Variants in CHD3 observed in about 807,000 individuals in gnomAD.
The protein encoded by CHD3 is ATP-dependent chromatin remodeler CHD3.
A neutral mutation model predicts 248.9 loss-of-function variants in CHD3; 52 were observed. That is an observed-to-expected ratio of 0.21 (90% CI 0.17 to 0.26). The LOEUF (loss-of-function observed/expected upper bound fraction) is 0.26. Among genes scored for constraint, CHD3 ranks in the 10% least tolerant of loss-of-function variants. The pLI is 1.00. For synonymous variants in CHD3, 985 were observed against 985.2 expected, an observed-to-expected ratio of 1.00 and a Z score of 0.00; for missense variants, 1,482 against 2,605.8, an observed-to-expected ratio of 0.57 and a Z score of 9.39.
At chr17:7,893,218 TGA>T in intron 4 of CHD3, 66 bp from the exon 5 acceptor site, 2 of 1,492,110 alleles carry the variant, frequency 1.3e-6, no homozygotes, top group East Asian at 4.6e-5. Flanking sequence ...ATTTAATTGA[TGA>T]GGGGAGATGG....
rs765031234 is a variant in CHD3, at chr17:7,903,019, C to G, written c.3453C>G (p.Val1151=). ...LGINLATADT[V]IIFDSDWNPH... is the part of the protein sequence containing the mutation. ...TCAATCTGGCCACTGCTGACACTGTCATCATCTTTGATTCTGACTGGAACC... is the reference window on the plus strand; with the variant it reads ...TCAATCTGGCCACTGCTGACACTGTGATCATCTTTGATTCTGACTGGAACC... Residue 1151 remains valine, a synonymous_variant, in exon 22 of 40, where the codon GTC becomes GTG. Transcript: ENST00000330494. This position sits in a 1 kb window ranked among gnomAD's most constrained non-coding sequence, Gnocchi z 6.8. The G allele has an allele frequency of 1.2e-6, 2 of 1,614,128 alleles. No homozygotes were observed. Among genetic ancestry groups the G allele is most frequent in the Non-Finnish European group, 1.7e-6 (2 of 1,180,020 alleles).
Position 7,904,714 on chromosome 17 carries a change from T to A in CHD3, c.4072+95T>A. The A allele has an allele frequency of 8.5e-7, 1 of 1,181,404 alleles. No individual in the cohort carries two copies. The highest frequency in any genetic ancestry group is 1.2e-6 in the Non-Finnish European group (1 of 842,360). 73.2% of individuals were successfully genotyped at this position (1,181,404 alleles called of 1,614,324 possible). A position where few individuals can be genotyped will look rare whatever the true frequency, so the allele number is the denominator to read the frequency against. On this transcript the variant is annotated intron_variant, in intron 25 of 39. Coordinates refer to ENST00000330494, the MANE Select transcript of CHD3 (RefSeq NM_001005273.3). This position sits in a 1 kb window ranked among gnomAD's most constrained non-coding sequence, Gnocchi z 4.4. ...CTATTTAGAGGGAAAGAGAGAAGCC[T>A]AGAAGTCAGAGCCTTCCTCTGCTAA... is the stretch of plus-strand genomic sequence containing the variant.
rs747387897 is a variant in CHD3, at chr17:7,889,817, A to T, written c.213+41A>T. 3 of 1,547,470 alleles carry T rather than the reference A, an allele frequency of 1.9e-6. No homozygotes were observed. The highest frequency in any genetic ancestry group is 2.3e-5 in the South Asian group (2 of 86,692). ...TCCTAACTCTGTGGCAAGGCTCAAG[A>T]GACCCATTCTCAGAGACCTACATTT... On this transcript the variant is annotated intron_variant, in intron 2 of 39. Transcript: ENST00000330494. This position sits in a 1 kb window ranked among gnomAD's most constrained non-coding sequence, Gnocchi z 4.5.
In CHD3 at chr17:7,904,784, C is replaced by T. The variant is rs1444642745; in HGVS notation, c.4072+165C>T. 2.0e-5 allele frequency among the ~76,000 whole-genome samples: 3 copies of T among 152,040 alleles called. No homozygotes were observed. Among genetic ancestry groups the T allele is most frequent in the Non-Finnish European group, 4.4e-5 (3 of 68,014 alleles). The stretch of plus-strand genomic sequence containing the variant: ...GAGTCATTAGGAACTACCCAGAGGC[C>T]AGGTGGGTTTGCAGGAGATTTAAAC... On this transcript the variant is annotated intron_variant, in intron 25 of 39. Transcript: ENST00000330494. The surrounding 1 kb of genome is among the most constrained non-coding windows in gnomAD (Gnocchi z 4.4).
In CHD3 at chr17:7,895,307, T is replaced by A; in HGVS notation, c.1504-32T>A. The A allele has an allele frequency of 6.2e-7, 1 of 1,610,666 alleles. No individual in the cohort carries two copies. Among genetic ancestry groups the A allele is most frequent in the South Asian group, 1.1e-5 (1 of 90,968 alleles). ...ACAATGGGTTCTTTCTGCCTCTTTCTTTCCTCCTCCTTGTACGTGTCCATC... is the reference window on the plus strand; with the variant it reads ...ACAATGGGTTCTTTCTGCCTCTTTCATTCCTCCTCCTTGTACGTGTCCATC... On this transcript the variant is annotated intron_variant, in intron 9 of 39. Transcript: ENST00000330494. The surrounding 1 kb of genome is among the most constrained non-coding windows in gnomAD (Gnocchi z 4.9).
chr17:7,893,170 C>T lies in CHD3; in HGVS notation c.510-116C>T, dbSNP rs540673801. ...TAAATGGCTGTTTTTCCTAATAGGA[C>T]ATATTCTCACCACCCAGGAATCCTA... On this transcript the variant is annotated intron_variant, in intron 4 of 39. Transcript: ENST00000330494. 9.7e-5 allele frequency: 135 copies of T among 1,398,538 alleles called. No individual in the cohort carries two copies. In the South Asian group the frequency reaches 2.0e-3, roughly 20 times the overall value. 86.6% of individuals were successfully genotyped at this position (1,398,538 alleles called of 1,614,324 possible).
At position 7,903,180 on chromosome 17, in the gene CHD3, C is replaced by T. The variant is rs1314793164; in HGVS notation, c.3496-92C>T. The T allele has an allele frequency of 2.4e-5, 37 of 1,562,144 alleles. No individual in the cohort carries two copies. Among genetic ancestry groups the T allele is most frequent in the African/African-American group, 4.1e-5 (3 of 73,864 alleles). On this transcript the variant is annotated intron_variant, in intron 22 of 39. Coordinates refer to ENST00000330494, the MANE Select transcript of CHD3 (RefSeq NM_001005273.3). The surrounding 1 kb of genome is among the most constrained non-coding windows in gnomAD (Gnocchi z 6.8). ...TCTTCTGGGAGGAGAGAAGGCCCTTCTTCAGCAGCCTTCTTTCCTGAGGCA... is the reference window on the plus strand; with the variant it reads ...TCTTCTGGGAGGAGAGAAGGCCCTTTTTCAGCAGCCTTCTTTCCTGAGGCA...
At position 7,909,633 on chromosome 17, in the gene CHD3, T is replaced by G. The variant is rs1971408842; in HGVS notation, c.5590+295T>G. 1 of 471,798 alleles carries G rather than the reference T, an allele frequency of 2.1e-6. No individual in the cohort carries two copies. Among genetic ancestry groups the G allele is most frequent in the Non-Finnish European group, 3.8e-6 (1 of 265,220 alleles). 29.2% of individuals were successfully genotyped at this position (471,798 alleles called of 1,614,324 possible). A position where few individuals can be genotyped will look rare whatever the true frequency, so the allele number is the denominator to read the frequency against. On this transcript the variant is annotated intron_variant, in intron 37 of 39. Coordinates refer to ENST00000330494, the MANE Select transcript of CHD3 (RefSeq NM_001005273.3). The surrounding 1 kb of genome is among the most constrained non-coding windows in gnomAD (Gnocchi z 8.1). Reference sequence around the variant, plus strand: ...GGGGCCTCTTCACTGGCAGTGGAACTGCATGCCTGCCATACTGCTTAACAT... The same window carrying G: ...GGGGCCTCTTCACTGGCAGTGGAACGGCATGCCTGCCATACTGCTTAACAT...
rs760658478 is a variant in CHD3, at chr17:7,905,808, A to G, written c.4225-48A>G. On this transcript the variant is annotated intron_variant, in intron 27 of 39. Transcript: ENST00000330494. This position sits in a 1 kb window ranked among gnomAD's most constrained non-coding sequence, Gnocchi z 5.8. ...ACTGAAGGTAGAAAGGACAAGACCT[A>G]AGAACCCTAGACATTTGTCGCCATT... The G allele has an allele frequency of 6.2e-7, 1 of 1,614,122 alleles. No individual in the cohort carries two copies. The highest frequency in any genetic ancestry group is 1.3e-5 in the African/African-American group (1 of 75,014).
At position 7,900,082 on chromosome 17, in the gene CHD3, C is replaced by G. The variant is rs762891655; in HGVS notation, c.2682+49C>G. 2 of 1,570,580 alleles carry G rather than the reference C, an allele frequency of 1.3e-6. No individual in the cohort carries two copies. Among genetic ancestry groups the G allele is most frequent in the Admixed American group, 3.7e-5 (2 of 54,092 alleles). On this transcript the variant is annotated intron_variant, in intron 16 of 39. Coordinates refer to ENST00000330494, the MANE Select transcript of CHD3 (RefSeq NM_001005273.3). This position sits in a 1 kb window ranked among gnomAD's most constrained non-coding sequence, Gnocchi z 6.5. Reference sequence around the variant, plus strand: ...AAAACTTGAAGTTGTGGACTTCCCACTTGCCTTGGTCCTAAAAAACAACAA... The same window carrying G: ...AAAACTTGAAGTTGTGGACTTCCCAGTTGCCTTGGTCCTAAAAAACAACAA...
rs1228767165 is a variant in CHD3, at chr17:7,903,940, G to T, written c.3843G>T (p.Glu1281Asp). Residue 1281 changes from glutamate (E) to aspartate (D), a missense_variant, in exon 24 of 40, where the codon GAG (glutamate) becomes GAT (aspartate). By Grantham distance (45) the Glu-to-Asp change is conservative (BLOSUM62 2). This residue lies in a region of CHD3 where 156 missense variants were observed against 420.3 expected (regional missense o/e 0.37). Coordinates refer to ENST00000330494, the MANE Select transcript of CHD3 (RefSeq NM_001005273.3). This position sits in a 1 kb window ranked among gnomAD's most constrained non-coding sequence, Gnocchi z 6.8. ...TEDTDVQNMN[E>D]YLSSFKVAQY... ...ACACTGACGTGCAGAACATGAATGA[G>T]TATCTCAGCTCCTTCAAGGTGGCAC... 1 of 1,614,208 alleles carries T rather than the reference G, an allele frequency of 6.2e-7. No homozygotes were observed. The highest frequency in any genetic ancestry group is 1.7e-5 in the Admixed American group (1 of 60,024).
chr17:7,893,711 C>A, intron 5 of CHD3, 94 bp from the exon 6 acceptor site: 1 of 1,539,682 alleles, frequency 6.5e-7, no homozygotes, highest in Non-Finnish European at 8.7e-7. Flanking sequence ...GAAACCACAG[C>A]CCACAGAGGA....
In CHD3 at chr17:7,893,336, C is replaced by G. The variant is rs1969148578; in HGVS notation, c.560C>G (p.Thr187Ser). 1 of 1,613,960 alleles carries G rather than the reference C, an allele frequency of 6.2e-7. No homozygotes were observed. The highest frequency in any genetic ancestry group is 8.5e-7 in the Non-Finnish European group (1 of 1,179,948). ...NPKIPMSKMM[T>S]ILGAKWREFS... ...AAGATCCCAATGTCTAAGATGATGA[C>G]CATCCTTGGGGCCAAATGGAGAGAG... The change falls in exon 5 of 40, where the codon ACC becomes AGC. Residue 187 changes from threonine (T) to serine (S), a missense_variant. Coordinates refer to ENST00000330494, the MANE Select transcript of CHD3 (RefSeq NM_001005273.3).
chr17:7,895,251 C>A lies in CHD3; in HGVS notation c.1504-88C>A, dbSNP rs746207754. The A allele has an allele frequency of 3.2e-6, 5 of 1,581,884 alleles. No homozygotes were observed. The highest frequency in any genetic ancestry group is 3.4e-5 in the Admixed American group (2 of 58,624). On this transcript the variant is annotated intron_variant, in intron 9 of 39. Coordinates refer to ENST00000330494, the MANE Select transcript of CHD3 (RefSeq NM_001005273.3). The surrounding 1 kb of genome is among the most constrained non-coding windows in gnomAD (Gnocchi z 4.9). ...AGCTTTTCATTTCTCTGCACTCCCC[C>A]ACCCTTGTGGGACCCCTATCTTCTC...
chr17:7,910,639 C>T lies in CHD3; in HGVS notation c.5754+48C>T. 2 of 1,575,744 alleles carry T rather than the reference C, an allele frequency of 1.3e-6. No homozygotes were observed. Among genetic ancestry groups the T allele is most frequent in the Non-Finnish European group, 1.7e-6 (2 of 1,161,412 alleles). ...CCAGTTTTCCCTGTTTGTGTTCCTC[C>T]TGCACACATACAAACACTTCCATCA... On this transcript the variant is annotated intron_variant, in intron 38 of 39. Coordinates refer to ENST00000330494, the MANE Select transcript of CHD3 (RefSeq NM_001005273.3). This position sits in a 1 kb window ranked among gnomAD's most constrained non-coding sequence, Gnocchi z 4.7.
At position 7,895,450 on chromosome 17, in the gene CHD3, C is replaced by G. The variant is rs1401035171; in HGVS notation, c.1615C>G (p.Pro539Ala). 1.9e-6 allele frequency: 3 copies of G among 1,614,024 alleles called. No homozygotes were observed. Among genetic ancestry groups the G allele is most frequent in the Non-Finnish European group, 8.5e-7 (1 of 1,180,038 alleles). ...QADGNPDVPP[P>A]RPLQGRSERE... The stretch of plus-strand genomic sequence containing the variant: ...AGATGGAAATCCAGATGTCCCACCC[C>G]CCCGTCCTCTTCAAGGCAGATCAGA... The change falls in exon 10 of 40, where the codon CCC (proline) becomes GCC (alanine). Residue 539 changes from proline (P) to alanine (A), a missense_variant. By Grantham distance (27) the Pro-to-Ala change is conservative (BLOSUM62 -1). Transcript: ENST00000330494. The surrounding 1 kb of genome is among the most constrained non-coding windows in gnomAD (Gnocchi z 4.9).
At chr17:7,888,616 C>A (rs978996147), upstream of CHD3, among the ~76,000 whole-genome samples, 2 of 152,186 alleles carry the variant, frequency 1.3e-5, no homozygotes, top group African/African-American at 4.8e-5. Flanking sequence ...GGGTGGGGGG[C>A]CTGGGGTCCT....
rs1430428922 is a variant in CHD3, at chr17:7,909,762, C to CT, written c.5590+425dup. On this transcript the variant is annotated intron_variant, in intron 37 of 39. Transcript: ENST00000330494. The surrounding 1 kb of genome is among the most constrained non-coding windows in gnomAD (Gnocchi z 8.1). ...TGTGTTTCACCCCATAAGGCAGAAA[C>CT]TACCACCCATCCAACCCTCTGGCCT... 1 of 200,056 alleles carries CT rather than the reference C, an allele frequency of 5.0e-6. No individual in the cohort carries two copies. Among genetic ancestry groups the CT allele is most frequent in the Non-Finnish European group, 1.0e-5 (1 of 98,604 alleles). 12.4% of individuals were successfully genotyped at this position (200,056 alleles called of 1,614,324 possible). A position where few individuals can be genotyped will look rare whatever the true frequency, so the allele number is the denominator to read the frequency against.
chr17:7,903,126 G>T lies in CHD3; in HGVS notation c.3495+65G>T, dbSNP rs1377037373. On this transcript the variant is annotated intron_variant, in intron 22 of 39. Coordinates refer to ENST00000330494, the MANE Select transcript of CHD3 (RefSeq NM_001005273.3). This position sits in a 1 kb window ranked among gnomAD's most constrained non-coding sequence, Gnocchi z 6.8. The stretch of plus-strand genomic sequence containing the variant: ...AGGAGATGTGGGTTCATGGAGGAGG[G>T]TGTCATGTTCCGGGGTCAGAAATAA... The T allele has an allele frequency of 2.5e-6, 4 of 1,589,008 alleles. No individual in the cohort carries two copies. The highest frequency in any genetic ancestry group is 1.1e-5 in the South Asian group (1 of 88,832).
Sources: gnomAD v4.1 joint callset for allele counts (sites outside exome capture counted in the v4.1 genomes callset) on GRCh38, gnomAD v4.1.1 for gene constraint, gnomAD v4.1.1 regional missense constraint, Gnocchi (gnomAD v3.1) non-coding constraint, MANE v1.5 for transcripts, NCBI Gene and HGNC (gene_info 2026-07-23, HGNC 2026-07-21) for gene names.